Variants in EIF4A1 observed in about 807,000 individuals in gnomAD.
EIF4A1 encodes the protein eukaryotic translation initiation factor 4A1, also known as eukaryotic initiation factor 4A-I.
In EIF4A1, 11 loss-of-function variants were observed where a neutral mutation model predicts 53.5. The ratio of observed to expected loss-of-function variants is 0.21; its 90% confidence interval spans 0.13 to 0.34. The LOEUF (loss-of-function observed/expected upper bound fraction) is 0.34. Ranked by LOEUF, EIF4A1 falls within the 10% of genes least tolerant of loss-of-function variation. The probability of loss-of-function intolerance (pLI) is 1.00; values close to 1 mark genes in which losing one functional copy is unlikely to be tolerated. For missense variants in EIF4A1, 213 were observed against 530.8 expected, an observed-to-expected ratio of 0.40 and a Z score of 5.88; for synonymous variants, 237 against 186.7, an observed-to-expected ratio of 1.27 and a Z score of -2.20.
chr17:7,574,192 G>T (rs1347391869), intron 1 of EIF4A1, 68 bp from the exon 2 acceptor site: 2 of 1,582,268 alleles, frequency 1.3e-6, no homozygotes, highest in East Asian at 2.2e-5. Flanking sequence ...TCCTGACAGA[G>T]CCCGGCTGTC....
intron 10 of EIF4A1, 47 bp from the exon 11 acceptor site, chr17:7,578,295 T>A (rs1446459224): frequency 6.2e-7 from 1 of 1,610,706 alleles, no homozygotes; most frequent in South Asian, 1.1e-5. Flanking sequence ...TGGCCCTCCC[T>A]GGGCTTAAAG....
rs2071372468 is a variant in EIF4A1 at position 7,574,427 on chromosome 17, G to A, written c.72+119G>A. On this transcript the variant is annotated intron_variant, in intron 2 of 10. Transcript: ENST00000293831. The stretch of plus-strand genomic sequence containing the variant: ...TAGAAGCAGCTGGTTTCCCTAAAGG[G>A]AGGAGGGTTGTAAGCTCTGAGGCTT... 8 of 1,603,934 alleles carry A rather than the reference G, an allele frequency of 5.0e-6. No homozygotes were observed. In the South Asian group the frequency reaches 6.6e-5, roughly 13 times the overall value.
Position 7,572,825 on chromosome 17 carries a change from C to A in EIF4A1, c.-17C>A, listed in dbSNP as rs542025962. On this transcript the variant is annotated 5_prime_UTR_variant, in exon 1 of 11. Transcript: ENST00000293831. ...AGTTGTCGATAGGCGGGCACTCCGC[C>A]CTAGTTTCTAAGGATCATGTCTGCG... The A allele has an allele frequency of 6.2e-7, 1 of 1,614,146 alleles. No homozygotes were observed.
At chr17:7,574,848 G>A (rs751819048) in intron 3 of EIF4A1, 170 bp downstream of exon 3, 6 of 1,221,288 alleles carry the variant, frequency 4.9e-6, no homozygotes, top group East Asian at 2.3e-5. Flanking sequence ...GGACACATAG[G>A]TTTCCTTTAA....
chr17:7,578,052 G>A, intron 9 of EIF4A1, 113 bp from the exon 10 acceptor site: 1 of 1,571,804 alleles, frequency 6.4e-7, no homozygotes, highest in Non-Finnish European at 8.8e-7. Flanking sequence ...TGGGGAACTG[G>A]GATGCTTATT....
intron 5 of EIF4A1, 113 bp downstream of exon 5, chr17:7,576,805 A>C: frequency 6.5e-7 from 1 of 1,531,402 alleles, no homozygotes; most frequent in African/African-American, 1.4e-5. Context: ...CTCTGGGGGA[A>C]GAGCTGCTCT....
rs2071346775 is a variant in EIF4A1 at position 7,573,132 on chromosome 17, C to T, written c.23+268C>T. 7 of 595,600 alleles carry T rather than the reference C, an allele frequency of 1.2e-5. No homozygotes were observed. The South Asian group carries it at 1.2e-4, about 10-fold the overall frequency. The allele number at this position is 595,600 out of a possible 1,614,324, so 36.9% of individuals were successfully genotyped here. On this transcript the variant is annotated intron_variant, in intron 1 of 10. Coordinates refer to ENST00000293831, the MANE Select transcript of EIF4A1 (RefSeq NM_001416.4). ...CGAGGCGGTGCCATGCGCGAAGCCC[C>T]GGCGCTGAGTGGCGAGACGGGGTCG...
intron 4 of EIF4A1, 72 bp from the exon 5 acceptor site, chr17:7,576,452 A>C: frequency 6.8e-7 from 1 of 1,480,012 alleles, no homozygotes; most frequent in South Asian, 1.4e-5. Flanking sequence ...GAATCAATAC[A>C]TGAAAAACAT....
In EIF4A1 at chr17:7,576,519, C is replaced by G. The variant is rs1426888763; in HGVS notation, c.346-5C>G. 2 of 1,571,004 alleles carry G rather than the reference C, an allele frequency of 1.3e-6. No homozygotes were observed. Among genetic ancestry groups the G allele is most frequent in the Non-Finnish European group, 1.7e-6 (2 of 1,157,072 alleles). ...ACATATGAGCACCTGCCTCTCTCTG[C>G]TCAGATACAGAAGGTGGTCATGGCA... On this transcript the variant is annotated splice_polypyrimidine_tract_variant and splice_region_variant and intron_variant, in intron 4 of 10. Coordinates refer to ENST00000293831, the MANE Select transcript of EIF4A1 (RefSeq NM_001416.4).
At chr17:7,574,812 C>A in intron 3 of EIF4A1, 134 bp downstream of exon 3, 2 of 1,440,652 alleles carry the variant, frequency 1.4e-6, no homozygotes, top group South Asian at 1.1e-5. Flanking sequence ...GGCTTTTGAT[C>A]CGTGCCCATG....
At chr17:7,576,900 T>TCCCG (rs1323385753) in intron 5 of EIF4A1, 156 bp from the exon 6 acceptor site, 1 of 1,332,126 alleles carries the variant, frequency 7.5e-7, no homozygotes, top group Admixed American at 1.7e-5. Context: ...AGGGCTGTTG[T>TCCCG]CTGCCTGGCG....
chr17:7,574,535 G>C lies in EIF4A1; in HGVS notation c.73-11G>C. On this transcript the variant is annotated splice_polypyrimidine_tract_variant and intron_variant, in intron 2 of 10. Coordinates refer to ENST00000293831, the MANE Select transcript of EIF4A1 (RefSeq NM_001416.4). ...CCATGACTCAAGCTTTAATTTCTTT[G>C]CATCCCCTAGAGTAACTGGAATGAG... is the stretch of plus-strand genomic sequence containing the variant. 1 of 1,612,798 alleles carries C rather than the reference G, an allele frequency of 6.2e-7. No homozygotes were observed. The highest frequency in any genetic ancestry group is 8.5e-7 in the Non-Finnish European group (1 of 1,179,860).
chr17:7,573,000 G>T, intron 1 of EIF4A1, 136 bp downstream of exon 1: 1 of 1,510,548 alleles, frequency 6.6e-7, no homozygotes, highest in Non-Finnish European at 9.2e-7. Flanking sequence ...CCGACTTGGA[G>T]GGGCGAGGGG....
Position 7,572,841 on chromosome 17 carries a change from C to G in EIF4A1, c.-1C>G, listed in dbSNP as rs745307202. Reference sequence around the variant, plus strand: ...GCACTCCGCCCTAGTTTCTAAGGATCATGTCTGCGAGCCAGGATTCCCGGT... The same window carrying G: ...GCACTCCGCCCTAGTTTCTAAGGATGATGTCTGCGAGCCAGGATTCCCGGT... On this transcript the variant is annotated 5_prime_UTR_variant, in exon 1 of 11. In the 5' UTR this introduces an upstream ATG that the reference lacks. Transcript: ENST00000293831. 1.9e-6 allele frequency: 3 copies of G among 1,614,054 alleles called. No homozygotes were observed. The highest frequency in any genetic ancestry group is 8.5e-7 in the Non-Finnish European group (1 of 1,179,986).
intron 2 of EIF4A1, 42 bp from the exon 3 acceptor site, chr17:7,574,504 C>A: frequency 6.2e-7 from 1 of 1,612,470 alleles, no homozygotes; most frequent in Non-Finnish European, 8.5e-7. Context: ...CTCAGCTCCA[C>A]CTTTTCCATG....
At chr17:7,575,024 G>C in intron 3 of EIF4A1, 95 bp from the exon 4 acceptor site, 1 of 1,518,228 alleles carries the variant, frequency 6.6e-7, no homozygotes, top group Non-Finnish European at 9.0e-7. Context: ...GAAATGCTTG[G>C]TTCATTGGTT....
intron 4 of EIF4A1, 58 bp downstream of exon 4, chr17:7,575,316 C>G (rs575202712): frequency 1.9e-6 from 3 of 1,609,390 alleles, no homozygotes; most frequent in African/African-American, 2.7e-5. Context: ...GAGTATAATC[C>G]AAGGACCAGA....
chr17:7,572,963 A>G (rs1483684924), intron 1 of EIF4A1, 99 bp downstream of exon 1: 13 of 1,608,218 alleles, frequency 8.1e-6, no homozygotes, highest in Non-Finnish European at 1.1e-5. Flanking sequence ...GGGTTGCGGG[A>G]GAAACCGAAC....
At chr17:7,575,038 T>C in intron 3 of EIF4A1, 81 bp from the exon 4 acceptor site, 3 of 1,567,550 alleles carry the variant, frequency 1.9e-6, no homozygotes, top group South Asian at 2.3e-5. Context: ...ATTGGTTGCT[T>C]ATTGACCTCA....
Sources: gnomAD v4.1 joint callset for allele counts on GRCh38, gnomAD v4.1.1 for gene constraint, MANE v1.5 for transcripts, NCBI Gene and HGNC (gene_info 2026-07-23, HGNC 2026-07-21) for gene names.